SLC24A2: variants seen among roughly 807,000 people sequenced by gnomAD.
The protein encoded by SLC24A2 is solute carrier family 24 member 2.
Under a neutral mutation model 62.0 loss-of-function variants are expected in SLC24A2, and 36 were observed. That is an observed-to-expected ratio of 0.58 (90% confidence interval 0.44 to 0.77). The LOEUF is 0.77. Ranked by LOEUF, SLC24A2 falls within the 30% of genes least tolerant of loss-of-function variation. The pLI is 0.00. For synonymous variants in SLC24A2, 358 were observed against 294.0 expected, an observed-to-expected ratio of 1.22 and a Z score of -2.23; for missense variants, 846 against 817.9, an observed-to-expected ratio of 1.03 and a Z score of -0.42.
chr9:19,782,212 C>T (rs931780173), intron 2 of SLC24A2, among the ~76,000 whole-genome samples: 7 of 152,166 alleles, frequency 4.6e-5, no homozygotes, highest in Non-Finnish European at 8.8e-5. Context: ...ATCAACGGCC[C>T]CCAGCAGCCA....
At chr9:19,546,223 C>G (rs902348291) in intron 8 of SLC24A2, among the ~76,000 whole-genome samples, 3 of 152,206 alleles carry the variant, frequency 2.0e-5, no homozygotes, top group Non-Finnish European at 4.4e-5. Flanking sequence ...CTTAGCAGAG[C>G]TTGAACGTTG....
chr9:20,209,219 C>G, the SLC24A2 span, among the ~76,000 whole-genome samples: 933 of 152,304 alleles, frequency 6.1e-3, 18 homozygotes, highest in East Asian at 0.047. Flanking sequence ...GCTTCAAGAC[C>G]AGCTTAACTG....
chr9:19,743,513 T>G (rs1373862225), intron 2 of SLC24A2, among the ~76,000 whole-genome samples: 1 of 152,140 alleles, frequency 6.6e-6, no homozygotes, highest in South Asian at 2.1e-4. Context: ...AGAATGGGTG[T>G]GCTGTCGGGG....
chr9:19,918,031 T>A, the SLC24A2 span, among the ~76,000 whole-genome samples: 12 of 152,178 alleles, frequency 7.9e-5, no homozygotes, highest in African/African-American at 2.4e-4. Context: ...CTTCTATTCC[T>A]GGTTTACTAA....
chr9:20,202,050 GGTGTGT>G, the SLC24A2 span, among the ~76,000 whole-genome samples: 1,657 of 141,748 alleles, frequency 0.012, 31 homozygotes, highest in East Asian at 0.083. Flanking sequence ...CCCATTTCAT[GGTGTGT>G]GTGTGTGTGT....
At chr9:20,200,272 C>T in the SLC24A2 span, among the ~76,000 whole-genome samples, 51 of 152,238 alleles carry the variant, frequency 3.4e-4, no homozygotes, top group Middle Eastern at 0.014. Flanking sequence ...CCAAACACTG[C>T]GGGACACTTT....
Position 19,508,238 on chromosome 9 carries a change from C to T in SLC24A2, c.*7915G>A, listed in dbSNP as rs1445834558. 2 of 152,152 alleles carry T rather than the reference C, an allele frequency of 1.3e-5. No individual in the cohort carries two copies. Among genetic ancestry groups the T allele is most frequent in the Admixed American group, 6.5e-5 (1 of 15,276 alleles). The allele number at this position is 152,152 out of a possible 1,614,324, so 9.4% of individuals were successfully genotyped here. A position where few individuals can be genotyped will look rare whatever the true frequency, so the allele number is the denominator to read the frequency against. On this transcript the variant is annotated 3_prime_UTR_variant, in exon 11 of 11. Coordinates refer to ENST00000341998, the MANE Select transcript of SLC24A2 (RefSeq NM_020344.4). ...GTGTTCAGGGTTCAATAGCGCAATTCAGTAACTGAGGCTCCCTCTTCCGAA... is the reference window on the plus strand; with the variant it reads ...GTGTTCAGGGTTCAATAGCGCAATTTAGTAACTGAGGCTCCCTCTTCCGAA...
the SLC24A2 span, among the ~76,000 whole-genome samples, chr9:20,013,776 T>C: frequency 7.2e-5 from 11 of 152,154 alleles, no homozygotes; most frequent in Non-Finnish European, 1.5e-4. Flanking sequence ...AGGAGCAGAA[T>C]AGAAAATTTT....
chr9:19,541,778 G>C (rs1417244024), intron 8 of SLC24A2, among the ~76,000 whole-genome samples: 1 of 148,400 alleles, frequency 6.7e-6, no homozygotes, highest in Non-Finnish European at 1.5e-5. Flanking sequence ...AGCAAGCCTG[G>C]GCAATGGCGG....
chr9:20,288,413 G>A, the SLC24A2 span, among the ~76,000 whole-genome samples: 18 of 152,060 alleles, frequency 1.2e-4, no homozygotes, highest in South Asian at 4.2e-4. Context: ...AGTGCATGCC[G>A]GGGGTGCGGG....
At chr9:20,278,505 G>T in the SLC24A2 span, among the ~76,000 whole-genome samples, 68 of 152,264 alleles carry the variant, frequency 4.5e-4, 1 homozygote, top group African/African-American at 1.5e-3. Context: ...GGGTCAATAT[G>T]CCACTAGTCT....
rs931870523 is a variant in SLC24A2 at position 19,514,689 on chromosome 9, C to G, written c.*1464G>C. 6.6e-6 allele frequency: 1 copy of G among 152,176 alleles called. No homozygotes were observed. The highest frequency in any genetic ancestry group is 1.5e-5 in the Non-Finnish European group (1 of 68,042). 9.4% of individuals were successfully genotyped at this position (152,176 alleles called of 1,614,324 possible). A position where few individuals can be genotyped will look rare whatever the true frequency, so the allele number is the denominator to read the frequency against. On this transcript the variant is annotated 3_prime_UTR_variant, in exon 11 of 11. Coordinates refer to ENST00000341998, the MANE Select transcript of SLC24A2 (RefSeq NM_020344.4). ...CTTGAAACCAGTATAAGGAAGCTGT[C>G]AAATACCGTGTACTCTAAAACTTAG...
chr9:20,181,365 G>A, the SLC24A2 span, among the ~76,000 whole-genome samples: 36 of 152,116 alleles, frequency 2.4e-4, no homozygotes, highest in African/African-American at 7.2e-4. Flanking sequence ...ATAAAGAAGC[G>A]TGGTAGATGA....
Position 19,788,432 on chromosome 9 carries a change from G to A in SLC24A2, c.-154+453C>T, listed in dbSNP as rs535516694. The A allele has an allele frequency of 3.3e-4, 286 of 863,986 alleles. 1 individual carries two copies. In the African/African-American group the frequency reaches 4.4e-3, roughly 13 times the overall value. The allele number at this position is 863,986 out of a possible 1,614,324, so 53.5% of individuals were successfully genotyped here. On this transcript the variant is annotated intron_variant, in intron 1 of 10. Transcript: ENST00000341998. ...CTCCCCGGGAGCTGCCTCCGTAGGAGAATGTTCGCCCCCAGCCGCGCCCCA... is the reference window on the plus strand; with the variant it reads ...CTCCCCGGGAGCTGCCTCCGTAGGAAAATGTTCGCCCCCAGCCGCGCCCCA...
In SLC24A2 at chr9:19,516,259, C is replaced by T. The variant is rs749916427; in HGVS notation, c.1880G>A (p.Arg627Gln). The change falls in exon 11 of 11, where the codon CGA becomes CAA. Residue 627 changes from arginine to glutamine, a missense_variant. Physicochemically the swap from Arg to Gln is conservative, Grantham distance 43 (BLOSUM62 1). Transcript: ENST00000341998. The stretch of plus-strand genomic sequence containing the variant: ...GATGAAGCCCAGGATTTTGTTCATT[C>T]GCCACTTGCAGAGGGCGATAGAGAG... ...VILSIALCKW[R>Q]MNKILGFIMF... 1.3e-5 allele frequency: 21 copies of T among 1,614,118 alleles called. No individual in the cohort carries two copies. Among genetic ancestry groups the T allele is most frequent in the Non-Finnish European group, 1.8e-5 (21 of 1,180,024 alleles).
At chr9:20,033,240 G>T in the SLC24A2 span, among the ~76,000 whole-genome samples, 11 of 152,242 alleles carry the variant, frequency 7.2e-5, no homozygotes, top group Admixed American at 5.2e-4. Context: ...AAGAATAACA[G>T]CATTAGATTC....
rs534469003 is a variant in SLC24A2 at position 19,729,818 on chromosome 9, C to A, written c.930+56119G>T. Among the ~76,000 whole-genome samples, 4 of 151,918 alleles carry A rather than the reference C, an allele frequency of 2.6e-5. No individual in the cohort carries two copies. In the East Asian group the frequency reaches 7.7e-4, roughly 29 times the overall value. ...AGTGCTCTATCTCAACTATAGAATG[C>A]CTATAGTTAAAAATATGTTAGATAG... On this transcript the variant is annotated intron_variant, in intron 2 of 10. Coordinates refer to ENST00000341998, the MANE Select transcript of SLC24A2 (RefSeq NM_020344.4).
intron 7 of SLC24A2, among the ~76,000 whole-genome samples, chr9:19,554,322 A>G (rs1834979471): frequency 6.6e-6 from 1 of 152,218 alleles, no homozygotes; most frequent in African/African-American, 2.4e-5. Flanking sequence ...AAAAAGCAAT[A>G]CAGTGTAACA....
chr9:19,807,570 G>A, the SLC24A2 span, among the ~76,000 whole-genome samples: 1 of 152,146 alleles, frequency 6.6e-6, no homozygotes, highest in Non-Finnish European at 1.5e-5. Context: ...ATATAAAAGG[G>A]TTACTATGAC....
Sources: allele counts gnomAD v4.1 joint callset (sites outside exome capture counted in the v4.1 genomes callset), GRCh38; gene constraint gnomAD v4.1.1; transcripts MANE v1.5; gene names NCBI Gene and HGNC (gene_info 2026-07-23, HGNC 2026-07-21).